CACNA2D1: variants seen among roughly 807,000 people sequenced by gnomAD.
The protein encoded by CACNA2D1 is voltage-dependent calcium channel subunit alpha-2/delta-1.
Under a neutral mutation model 171.5 loss-of-function variants are expected in CACNA2D1, and 53 were observed. The ratio of observed to expected loss-of-function variants is 0.31; its 90% CI spans 0.25 to 0.39. CACNA2D1 has a LOEUF of 0.39. Ranked by LOEUF, CACNA2D1 falls within the 10% of genes least tolerant of loss-of-function variation. CACNA2D1 has a pLI of 1.00. For synonymous variants in CACNA2D1, 442 were observed against 443.1 expected, an observed-to-expected ratio of 1.00 and a Z score of 0.03; for missense variants, 903 against 1,299.8, an observed-to-expected ratio of 0.69 and a Z score of 4.69.
At chr7:82,154,066 G>C (rs944103618) in intron 4 of CACNA2D1, among the ~76,000 whole-genome samples, 1 of 152,114 alleles carries the variant, frequency 6.6e-6, no homozygotes, top group Non-Finnish European at 1.5e-5. Flanking sequence ...GGATAAATGA[G>C]ATTTTTTGCC....
rs117733331 is a variant in CACNA2D1 at position 82,203,345 on chromosome 7, T to C, written c.295-32736A>G. On this transcript the variant is annotated intron_variant, in intron 3 of 38. Transcript: ENST00000356860. ...GTACTGGGACAGTACCACTGTGTAGTGGACTTGGCCAATGCCTTCTCTTCC... is the reference window on the plus strand; with the variant it reads ...GTACTGGGACAGTACCACTGTGTAGCGGACTTGGCCAATGCCTTCTCTTCC... 7.2e-3 allele frequency among the ~76,000 whole-genome samples: 1,095 copies of C among 152,314 alleles called. 9 individuals are homozygous for C. The highest frequency in any genetic ancestry group is 0.019 in the South Asian group (93 of 4,828).
chr7:82,417,193 T>A (rs997747402), intron 1 of CACNA2D1, among the ~76,000 whole-genome samples: 2 of 152,186 alleles, frequency 1.3e-5, no homozygotes, highest in Non-Finnish European at 2.9e-5. Flanking sequence ...TGAGATAGCC[T>A]CAGCATAGGG....
At chr7:82,416,640 T>C (rs149556212) in intron 1 of CACNA2D1, among the ~76,000 whole-genome samples, 69 of 152,346 alleles carry the variant, frequency 4.5e-4, no homozygotes, top group African/African-American at 1.3e-3. Flanking sequence ...TGTACATGTC[T>C]GTGTCCAAAT....
intron 38 of CACNA2D1, among the ~76,000 whole-genome samples, chr7:81,952,290 G>T (rs1260698699): frequency 6.6e-6 from 1 of 151,916 alleles, no homozygotes; most frequent in African/African-American, 2.4e-5. Context: ...ATTTTACAAA[G>T]ATTCTAAGCT....
At chr7:81,970,858 A>T in intron 26 of CACNA2D1, 121 bp from the exon 27 acceptor site, 1 of 713,992 alleles carries the variant, frequency 1.4e-6, no homozygotes, top group South Asian at 1.5e-5. Context: ...CAATAGATAC[A>T]CAACTATGTT....
intron 1 of CACNA2D1, among the ~76,000 whole-genome samples, chr7:82,408,924 G>C (rs1001130791): frequency 2.8e-4 from 42 of 152,100 alleles, no homozygotes; most frequent in Non-Finnish European, 7.4e-5. Context: ...TAAGAGAAAA[G>C]ACGTGATGGG....
chr7:82,127,492 T>G (rs1790459871), intron 5 of CACNA2D1, among the ~76,000 whole-genome samples: 4 of 152,196 alleles, frequency 2.6e-5, no homozygotes, highest in African/African-American at 9.6e-5. Context: ...TACTGTATAC[T>G]ATAAAATAAA....
At chr7:82,189,256 T>C (rs1157505851) in intron 3 of CACNA2D1, among the ~76,000 whole-genome samples, 1 of 152,014 alleles carries the variant, frequency 6.6e-6, no homozygotes, top group Non-Finnish European at 1.5e-5. Context: ...TATTCCATTC[T>C]TCTTCAAAGC....
At chr7:82,079,850 A>G (rs1809488359) in intron 7 of CACNA2D1, among the ~76,000 whole-genome samples, 1 of 152,092 alleles carries the variant, frequency 6.6e-6, no homozygotes, top group South Asian at 2.1e-4. Context: ...GAAATCTATC[A>G]TATAAACGGT....
rs1047685505 is a variant in CACNA2D1 at position 81,962,087 on chromosome 7, C to A, written c.2837-64G>T. On this transcript the variant is annotated intron_variant, in intron 35 of 38. Coordinates refer to ENST00000356860, the MANE Select transcript of CACNA2D1 (RefSeq NM_000722.4). ...ATTAGGAGGGGTCTCTGTAGTCACTCCCCTCGAGTCTTCACTTCTCACAGA... is the reference window on the plus strand; with the variant it reads ...ATTAGGAGGGGTCTCTGTAGTCACTACCCTCGAGTCTTCACTTCTCACAGA... 2.1e-5 allele frequency: 32 copies of A among 1,492,920 alleles called. No homozygotes were observed. In the South Asian group the frequency reaches 3.5e-4, roughly 16 times the overall value. The allele number at this position is 1,492,920 out of a possible 1,614,324, so 92.5% of individuals were successfully genotyped here.
rs796066557 is a variant in CACNA2D1, at chr7:82,060,165, AATAT to A, written c.879+259_879+262del. Among the ~76,000 whole-genome samples, 6 of 22,232 alleles carry A rather than the reference AATAT, an allele frequency of 2.7e-4. 1 individual carries two copies. The highest frequency in any genetic ancestry group is 2.3e-3 in the Admixed American group (2 of 874). The allele number at this position is 22,232 out of a possible 152,430, so 14.6% of individuals were successfully genotyped here. On this transcript the variant is annotated intron_variant, in intron 10 of 38. Transcript: ENST00000356860. ...TTATATATATGTATTATATATATATAATATATATATATAATATATATATATTATA... is the reference window on the plus strand; with the variant it reads ...TTATATATATGTATTATATATATATAATATATATAATATATATATATTATA...
intron 1 of CACNA2D1, among the ~76,000 whole-genome samples, chr7:82,422,698 G>C (rs186283232): frequency 5.2e-4 from 79 of 152,170 alleles, no homozygotes; most frequent in African/African-American, 1.8e-3. Context: ...TATAGTGACA[G>C]ATATAATGTA....
intron 3 of CACNA2D1, among the ~76,000 whole-genome samples, chr7:82,183,060 C>T (rs997805214): frequency 3.3e-5 from 5 of 150,478 alleles, no homozygotes; most frequent in Admixed American, 1.3e-4. Flanking sequence ...AAAAGTGAGG[C>T]GCAGGAAGGG....
intron 1 of CACNA2D1, among the ~76,000 whole-genome samples, chr7:82,379,682 A>G (rs1823468338): frequency 6.6e-6 from 1 of 152,178 alleles, no homozygotes; most frequent in Admixed American, 6.5e-5. Context: ...TTAAAAACAC[A>G]AAGTTCTGTT....
At chr7:82,150,365 C>T (rs1159349145) in intron 4 of CACNA2D1, among the ~76,000 whole-genome samples, 1 of 148,830 alleles carries the variant, frequency 6.7e-6, no homozygotes, top group East Asian at 1.9e-4. Flanking sequence ...ATGTGAGCAC[C>T]CAACAGAACT....
intron 3 of CACNA2D1, among the ~76,000 whole-genome samples, chr7:82,247,653 A>T (rs932358569): frequency 6.6e-6 from 1 of 152,206 alleles, no homozygotes; most frequent in African/African-American, 2.4e-5. Flanking sequence ...ATTTGATGAC[A>T]TCAGGTTGAC....
intron 2 of CACNA2D1, among the ~76,000 whole-genome samples, chr7:82,341,748 G>A (rs1479300482): frequency 3.9e-5 from 6 of 152,056 alleles, no homozygotes; most frequent in Admixed American, 3.9e-4. Context: ...CTGTATTAAT[G>A]TCATTTTTAA....
At chr7:82,281,459 A>G (rs1302240769) in intron 3 of CACNA2D1, among the ~76,000 whole-genome samples, 2 of 152,130 alleles carry the variant, frequency 1.3e-5, no homozygotes, top group Non-Finnish European at 2.9e-5. Context: ...TGGACATATA[A>G]TTTTTTCACC....
chr7:82,169,455 AAAT>A (rs2129146044), intron 4 of CACNA2D1, among the ~76,000 whole-genome samples: 1 of 152,202 alleles, frequency 6.6e-6, no homozygotes, highest in South Asian at 2.1e-4. Flanking sequence ...TAAAATATAT[AAAT>A]AAGTGATAAA....
Sources: gnomAD v4.1 joint callset for allele counts (sites outside exome capture counted in the v4.1 genomes callset) on GRCh38, gnomAD v4.1.1 for gene constraint, MANE v1.5 for transcripts, NCBI Gene and HGNC (gene_info 2026-07-23, HGNC 2026-07-21) for gene names.